FBXO31: variants seen among roughly 807,000 people sequenced by gnomAD.
The protein encoded by FBXO31 is F-box protein 31.
FBXO31 carries 24 observed loss-of-function variants against 54.4 expected under a neutral mutation model. The ratio of observed to expected loss-of-function variants is 0.44; its 90% CI spans 0.32 to 0.62. The LOEUF is 0.62. FBXO31 is among the 20% of genes least tolerant of loss of function. FBXO31 has a pLI of 0.05. For missense variants in FBXO31, 665 were observed against 787.1 expected, an observed-to-expected ratio of 0.84 and a Z score of 1.86; for synonymous variants, 388 against 335.6, an observed-to-expected ratio of 1.16 and a Z score of -1.71.
At chr16:87,362,879 A>C (rs977906087) in intron 1 of FBXO31, among the ~76,000 whole-genome samples, 1 of 152,144 alleles carries the variant, frequency 6.6e-6, no homozygotes, top group Admixed American at 6.5e-5. Flanking sequence ...TTTATTTATC[A>C]ATTACTTTGT....
intron 1 of FBXO31, among the ~76,000 whole-genome samples, chr16:87,381,396 A>G (rs1272525566): frequency 6.6e-6 from 1 of 152,214 alleles, no homozygotes; most frequent in Non-Finnish European, 1.5e-5. Context: ...AGGGCTTCAC[A>G]GGCATCACCT....
At chr16:87,387,717 G>A (rs1808437), upstream of FBXO31, among the ~76,000 whole-genome samples, 2 of 152,094 alleles carry the variant, frequency 1.3e-5, no homozygotes, top group Admixed American at 6.5e-5. Context: ...TGAAGCAGGA[G>A]AATGGTGTGA....
chr16:87,364,906 C>T (rs888675276), intron 1 of FBXO31, among the ~76,000 whole-genome samples: 1 of 148,898 alleles, frequency 6.7e-6, no homozygotes, highest in Non-Finnish European at 1.5e-5. Flanking sequence ...ACTCAGGAGG[C>T]TGATGTGGGA....
In FBXO31 at chr16:87,335,532, ATGAGC is replaced by A; in HGVS notation, c.843-80_843-76del. On this transcript the variant is annotated intron_variant, in intron 6 of 8. Transcript: ENST00000311635. The surrounding 1 kb of genome is among the most constrained non-coding windows in gnomAD (Gnocchi z 5.7). ...ACTGAGAACGCCCAAGGTGCCAGGG[ATGAGC>A]TTTGCAGGGCGGGGTAGGGCGGGCA... The A allele has an allele frequency of 1.7e-6, 1 of 577,158 alleles. No homozygotes were observed. Among genetic ancestry groups the A allele is most frequent in the Non-Finnish European group, 3.0e-6 (1 of 336,978 alleles). 35.8% of individuals were successfully genotyped at this position (577,158 alleles called of 1,614,324 possible). A position where few individuals can be genotyped will look rare whatever the true frequency, so the allele number is the denominator to read the frequency against.
Position 87,358,980 on chromosome 16 carries a change from C to T in FBXO31, c.412+1315G>A, listed in dbSNP as rs922925585. Among the ~76,000 whole-genome samples, 1 of 152,200 alleles carries T rather than the reference C, an allele frequency of 6.6e-6. No individual in the cohort carries two copies. The highest frequency in any genetic ancestry group is 2.4e-5 in the African/African-American group (1 of 41,456). On this transcript the variant is annotated intron_variant, in intron 2 of 8. Coordinates refer to ENST00000311635, the MANE Select transcript of FBXO31 (RefSeq NM_024735.5). This position sits in a 1 kb window ranked among gnomAD's most constrained non-coding sequence, Gnocchi z 4.0. ...CAGGTCATCCAAGGTTGCCCAACTACACCACCCGTTTCTGGAGCTAAGGCT... is the reference window on the plus strand; with the variant it reads ...CAGGTCATCCAAGGTTGCCCAACTATACCACCCGTTTCTGGAGCTAAGGCT...
chr16:87,343,543 G>C (rs1364077348), intron 4 of FBXO31, 55 bp downstream of exon 4: 1 of 1,543,776 alleles, frequency 6.5e-7, no homozygotes, highest in East Asian at 2.4e-5. Flanking sequence ...CCTGGCTGGA[G>C]CCCACACAGG....
intron 2 of FBXO31, among the ~76,000 whole-genome samples, chr16:87,348,668 G>A (rs1344182454): frequency 6.6e-6 from 1 of 152,178 alleles, no homozygotes; most frequent in Non-Finnish European, 1.5e-5. Context: ...ACCCATCTGG[G>A]TCGCTGGAAG....
At chr16:87,347,317 C>A in intron 2 of FBXO31, 67 bp from the exon 3 acceptor site, 1 of 1,384,202 alleles carries the variant, frequency 7.2e-7, no homozygotes, top group South Asian at 1.2e-5. Context: ...CCCAGGAACC[C>A]CGAGAGGGAG....
At position 87,330,372 on chromosome 16, in the gene FBXO31, T is replaced by C. The variant is rs997053398; in HGVS notation, c.*916A>G. The C allele has an allele frequency of 1.3e-5, 2 of 152,290 alleles. No individual in the cohort carries two copies. The highest frequency in any genetic ancestry group is 1.3e-4 in the Admixed American group (2 of 15,290). The allele number at this position is 152,290 out of a possible 1,614,324, so 9.4% of individuals were successfully genotyped here. ...CTCATATGGGCACTCCTGGCACCTGTGTGGACCACTCACTGCTTCAGACAC... is the reference window on the plus strand; with the variant it reads ...CTCATATGGGCACTCCTGGCACCTGCGTGGACCACTCACTGCTTCAGACAC... On this transcript the variant is annotated 3_prime_UTR_variant, in exon 9 of 9. Coordinates refer to ENST00000311635, the MANE Select transcript of FBXO31 (RefSeq NM_024735.5).
At chr16:87,391,025 G>C (rs1427983525), upstream of FBXO31, among the ~76,000 whole-genome samples, 1 of 152,244 alleles carries the variant, frequency 6.6e-6, no homozygotes, top group Non-Finnish European at 1.5e-5. Flanking sequence ...GAACTATGGG[G>C]CTCTTTCAAA....
intron 1 of FBXO31, among the ~76,000 whole-genome samples, chr16:87,377,399 T>C (rs796200684): frequency 7.2e-5 from 11 of 152,052 alleles, no homozygotes; most frequent in African/African-American, 2.4e-4. Context: ...TGAGCCATAA[T>C]AGCGCCACTA....
chr16:87,382,098 A>G (rs1416300195), intron 1 of FBXO31, among the ~76,000 whole-genome samples: 10 of 152,056 alleles, frequency 6.6e-5, no homozygotes, highest in Admixed American at 2.0e-4. Flanking sequence ...TCAATCTCCT[A>G]AATTTCTATA....
chr16:87,368,530 C>A (rs960312669), intron 1 of FBXO31, among the ~76,000 whole-genome samples: 1 of 152,170 alleles, frequency 6.6e-6, no homozygotes, highest in African/African-American at 2.4e-5. Flanking sequence ...CCAGCACGAC[C>A]TGTGCTGCCT....
In FBXO31 at chr16:87,328,634, CCT is replaced by C. The variant is rs1310302603; in HGVS notation, c.*2652_*2653del. The C allele has an allele frequency of 6.6e-6, 1 of 152,254 alleles. No individual in the cohort carries two copies. The highest frequency in any genetic ancestry group is 2.4e-5 in the African/African-American group (1 of 41,472). The allele number at this position is 152,254 out of a possible 1,614,324, so 9.4% of individuals were successfully genotyped here. On this transcript the variant is annotated 3_prime_UTR_variant, in exon 9 of 9. Coordinates refer to ENST00000311635, the MANE Select transcript of FBXO31 (RefSeq NM_024735.5). ...GCCGGCACAGAAAAGCCTCCAATGA[CCT>C]CTCTGAAATCTTCAATCACATCATT... is the stretch of plus-strand genomic sequence containing the variant.
upstream of FBXO31, chr16:87,383,929 C>T (rs981912069): frequency 1.9e-4 from 57 of 297,186 alleles, 1 homozygote; most frequent in Admixed American, 3.1e-3. This position sits in a 1 kb window ranked among gnomAD's most constrained non-coding sequence, Gnocchi z 4.9. Flanking sequence ...ACCTCAGAGA[C>T]CCCGCACTGC....
At chr16:87,369,481 C>T (rs533395757) in intron 1 of FBXO31, among the ~76,000 whole-genome samples, 1 of 152,324 alleles carries the variant, frequency 6.6e-6, no homozygotes, top group East Asian at 1.9e-4. Context: ...GCATAATGTC[C>T]TTCAGCTGCG....
At position 87,338,225 on chromosome 16, in the gene FBXO31, A is replaced by G. The variant is rs953342692; in HGVS notation, c.733-1961T>C. On this transcript the variant is annotated intron_variant, in intron 5 of 8. Coordinates refer to ENST00000311635, the MANE Select transcript of FBXO31 (RefSeq NM_024735.5). This position sits in a 1 kb window ranked among gnomAD's most constrained non-coding sequence, Gnocchi z 4.3. ...GAAATTACTCATCAGAGCAACACAT[A>G]CAAGCCACAAGAAAAAAAAAAAAAC... 2.3e-4 allele frequency among the ~76,000 whole-genome samples: 35 copies of G among 151,186 alleles called. No individual in the cohort carries two copies. The highest frequency in any genetic ancestry group is 8.3e-4 in the African/African-American group (34 of 40,816).
Position 87,336,427 on chromosome 16 carries a change from A to C in FBXO31, c.733-163T>G, listed in dbSNP as rs1181133131. Among the ~76,000 whole-genome samples, 1 of 152,100 alleles carries C rather than the reference A, an allele frequency of 6.6e-6. No homozygotes were observed. Among genetic ancestry groups the C allele is most frequent in the Non-Finnish European group, 1.5e-5 (1 of 67,996 alleles). Reference sequence around the variant, plus strand: ...GATGGACTTGGCGCTGGGAAGAGAAAGGGGAGCTGCCGGATTTGACCCCAC... The same window carrying C: ...GATGGACTTGGCGCTGGGAAGAGAACGGGGAGCTGCCGGATTTGACCCCAC... On this transcript the variant is annotated intron_variant, in intron 5 of 8. Transcript: ENST00000311635. This position sits in a 1 kb window ranked among gnomAD's most constrained non-coding sequence, Gnocchi z 6.5.
intron 1 of FBXO31, among the ~76,000 whole-genome samples, chr16:87,363,673 A>G (rs900115415): frequency 1.3e-5 from 2 of 152,172 alleles, no homozygotes; most frequent in Non-Finnish European, 2.9e-5. Context: ...CTACATGGTT[A>G]AGTGCTACGG....
Sources: allele counts gnomAD v4.1 joint callset (sites outside exome capture counted in the v4.1 genomes callset), GRCh38; gene constraint gnomAD v4.1.1; non-coding constraint Gnocchi (gnomAD v3.1); transcripts MANE v1.5; gene names NCBI Gene and HGNC (gene_info 2026-07-23, HGNC 2026-07-21).